The following TGM6 variants were observed in gnomAD, a reference collection of about 807,000 sequenced individuals.
The protein encoded by TGM6 is transglutaminase 6.
TGM6 carries 74 observed loss-of-function variants against 77.5 expected under a neutral mutation model. The ratio of observed to expected loss-of-function variants is 0.96; its 90% CI spans 0.79 to 1.16. The LOEUF is 1.16. Among genes scored for constraint, TGM6 ranks in the 50% most tolerant of loss-of-function variants. The pLI, the probability that TGM6 is intolerant of heterozygous loss-of-function variation, is 0.00. For synonymous variants in TGM6, 383 were observed against 378.9 expected (o/e 1.01, Z -0.12); for missense variants, 968 against 940.2 (o/e 1.03, Z -0.39).
At chr20:2,409,523 C>A (rs2084771863) in intron 9 of TGM6, among the ~76,000 whole-genome samples, 1 of 151,964 alleles carries the variant, frequency 6.6e-6, no homozygotes, top group South Asian at 2.1e-4. Flanking sequence ...ACCAGCCTGG[C>A]CAACATTGGG....
At chr20:2,391,218 TC>T (rs1225402413) in intron 1 of TGM6, among the ~76,000 whole-genome samples, 8 of 151,656 alleles carry the variant, frequency 5.3e-5, no homozygotes, top group Middle Eastern at 3.2e-3. Flanking sequence ...CCATAGTACC[TC>T]CCTTAGGTGT....
At chr20:2,429,915 C>T (rs957191428) in intron 10 of TGM6, among the ~76,000 whole-genome samples, 3 of 152,160 alleles carry the variant, frequency 2.0e-5, no homozygotes, top group African/African-American at 7.2e-5. Flanking sequence ...GAGGAGGTGT[C>T]AGTGAAGACT....
At chr20:2,389,154 T>C (rs1039099619) in intron 1 of TGM6, among the ~76,000 whole-genome samples, 1 of 152,052 alleles carries the variant, frequency 6.6e-6, no homozygotes, top group Non-Finnish European at 1.5e-5. Context: ...TCCACCATGG[T>C]CTCTCAGGTC....
Position 2,417,243 on chromosome 20 carries a change from G to T in TGM6, c.1348G>T (p.Glu450Ter). 1 of 1,602,598 alleles carries T rather than the reference G, an allele frequency of 6.2e-7. No homozygotes were observed. Among genetic ancestry groups the T allele is most frequent in the Non-Finnish European group, 8.5e-7 (1 of 1,175,110 alleles). ...LYKYPEGSRKERQVYSKAVNR... is the reference protein window; with the variant it reads ...LYKYPEGSRK The stretch of plus-strand genomic sequence containing the variant: ...GTGATGCCCTGCAGGGTCCCGGAAA[G>T]AGAGGCAGGTGTACAGCAAGGCGGT... The change falls in exon 10 of 13, where the codon GAG (glutamate) becomes TAG (stop). Residue 450 changes from glutamate (E) to a stop codon, truncating the protein, a stop_gained. Transcript: ENST00000202625. LOFTEE classifies it high-confidence loss of function.
intron 9 of TGM6, among the ~76,000 whole-genome samples, chr20:2,413,223 C>G (rs887892420): frequency 6.6e-6 from 1 of 152,156 alleles, no homozygotes; most frequent in African/African-American, 2.4e-5. Context: ...TTCAGGCCAG[C>G]TGGGCAACAT....
rs2084823871 is a variant in TGM6, at chr20:2,417,345, G to A, written c.1450G>A (p.Asp484Asn). 1 of 1,613,826 alleles carries A rather than the reference G, an allele frequency of 6.2e-7. No individual in the cohort carries two copies. Among genetic ancestry groups the A allele is most frequent in the Non-Finnish European group, 8.5e-7 (1 of 1,180,014 alleles). The change falls in exon 10 of 13, where the codon GAC (aspartate) becomes AAC (asparagine). Residue 484 changes from aspartate to asparagine, a missense_variant. Coordinates refer to ENST00000202625, the MANE Select transcript of TGM6 (RefSeq NM_198994.3). The stretch of plus-strand genomic sequence containing the variant: ...GGCTGGGGGTCGCTGTCTCTGGCGT[G>A]ACGACCTCCTGGAGCCTGCCACCAA... ...RRAGGRCLWR[D>N]DLLEPATKPS...
chr20:2,402,943 C>T (rs1458290181), intron 7 of TGM6, among the ~76,000 whole-genome samples: 1 of 152,198 alleles, frequency 6.6e-6, no homozygotes, highest in Non-Finnish European at 1.5e-5. Context: ...TCCCTTCACT[C>T]TTCCTATAGC....
intron 9 of TGM6, among the ~76,000 whole-genome samples, chr20:2,408,950 G>C (rs1029689255): frequency 6.6e-6 from 1 of 151,924 alleles, no homozygotes; most frequent in Non-Finnish European, 1.5e-5. Context: ...GAGAGGAAGC[G>C]AACATTTGTC....
At chr20:2,399,886 G>T in intron 6 of TGM6, 148 bp downstream of exon 6, 2 of 765,992 alleles carry the variant, frequency 2.6e-6, no homozygotes, top group East Asian at 5.4e-5. Context: ...GAAGAGAGAA[G>T]CCAGAGAATT....
At position 2,396,548 on chromosome 20, in the gene TGM6, A is replaced by G; in HGVS notation, c.467A>G (p.Tyr156Cys). 6.2e-7 allele frequency: 1 copy of G among 1,614,240 alleles called. No homozygotes were observed. The highest frequency in any genetic ancestry group is 8.5e-7 in the Non-Finnish European group (1 of 1,180,040). ...GCCTCAGAGGAGGAGAGACAGGAGT[A>G]CGTGCTCAGCGACAGCGGCATCATC... ...FLASEEERQE[Y>C]VLSDSGIIFR... Residue 156 changes from tyrosine (Y) to cysteine (C), a missense_variant, in exon 4 of 13, where the codon TAC becomes TGC. By Grantham distance (194) the Tyr-to-Cys change is radical. Coordinates refer to ENST00000202625, the MANE Select transcript of TGM6 (RefSeq NM_198994.3).
chr20:2,417,392 C>G lies in TGM6; in HGVS notation c.1497C>G (p.Phe499Leu), dbSNP rs763447123. The part of the protein sequence containing the change: ...PATKPSIAGK[F>L]KVLEPPMLGH... Reference sequence around the variant, plus strand: ...CCAAGCCCAGCATCGCTGGCAAGTTCAAGGTGCTAGAGCCTCCCATGCTGG... The same window carrying G: ...CCAAGCCCAGCATCGCTGGCAAGTTGAAGGTGCTAGAGCCTCCCATGCTGG... The change falls in exon 10 of 13, where the codon TTC (phenylalanine) becomes TTG (leucine). Residue 499 changes from phenylalanine (F) to leucine (L), a missense_variant. Coordinates refer to ENST00000202625, the MANE Select transcript of TGM6 (RefSeq NM_198994.3). 1.2e-6 allele frequency: 2 copies of G among 1,613,732 alleles called. No homozygotes were observed. Among genetic ancestry groups the G allele is most frequent in the South Asian group, 2.2e-5 (2 of 91,078 alleles).
rs1488260975 is a variant in TGM6, at chr20:2,403,643, C to T, written c.1156C>T (p.His386Tyr). Residue 386 changes from histidine (H) to tyrosine (Y), a missense_variant, in exon 9 of 13, where the codon CAC becomes TAC. Coordinates refer to ENST00000202625, the MANE Select transcript of TGM6 (RefSeq NM_198994.3). ...CCGCGAGGGTGATGTGCACCTGGCT[C>T]ACGATGGCCCCTTCGTGTTTGCGGA... is the stretch of plus-strand genomic sequence containing the variant. ...AIREGDVHLA[H>Y]DGPFVFAEVN... The T allele has an allele frequency of 1.2e-6, 2 of 1,614,212 alleles. No homozygotes were observed. The highest frequency in any genetic ancestry group is 8.5e-7 in the Non-Finnish European group (1 of 1,180,040).
intron 10 of TGM6, among the ~76,000 whole-genome samples, chr20:2,421,519 A>C (rs75111597): frequency 0.025 from 3,837 of 152,310 alleles, 63 homozygotes; most frequent in African/African-American, 0.049. Flanking sequence ...AGAGTTTACT[A>C]TTCACTAATG....
intron 10 of TGM6, among the ~76,000 whole-genome samples, chr20:2,429,541 C>T (rs1722385874): frequency 1.3e-5 from 2 of 151,508 alleles, no homozygotes; most frequent in South Asian, 2.1e-4. Context: ...GAGGCCAAGG[C>T]GAGAGGATCA....
At chr20:2,424,349 C>T (rs1266721467) in intron 10 of TGM6, among the ~76,000 whole-genome samples, 2 of 152,236 alleles carry the variant, frequency 1.3e-5, no homozygotes, top group Admixed American at 6.5e-5. Context: ...GCATAACTTG[C>T]TGTTGCTTCT....
intron 1 of TGM6, among the ~76,000 whole-genome samples, chr20:2,382,402 A>T (rs950315958): frequency 3.3e-5 from 5 of 152,206 alleles, no homozygotes; most frequent in Admixed American, 2.6e-4. Context: ...AAGTTCACCT[A>T]GATGATCCCT....
At chr20:2,383,809 A>C (rs1350992158) in intron 1 of TGM6, among the ~76,000 whole-genome samples, 1 of 152,116 alleles carries the variant, frequency 6.6e-6, no homozygotes, top group Non-Finnish European at 1.5e-5. Context: ...GTGATGATGT[A>C]AAAATCCCTG....
Position 2,417,484 on chromosome 20 carries a change from A to C in TGM6, c.1589A>C (p.Asn530Thr), listed in dbSNP as rs1487699137. The change falls in exon 10 of 13, where the codon AAC becomes ACC. Residue 530 changes from asparagine to threonine, a missense_variant. By Grantham distance (65) the Asn-to-Thr change is moderately conservative (BLOSUM62 0). Coordinates refer to ENST00000202625, the MANE Select transcript of TGM6 (RefSeq NM_198994.3). ...TCCCGGGCCCAGCGGGTGAGGGTCAACCTGAGCGGTGCCACCATCCTCTAT... is the reference window on the plus strand; with the variant it reads ...TCCCGGGCCCAGCGGGTGAGGGTCACCCTGAGCGGTGCCACCATCCTCTAT... ...LTSRAQRVRV[N>T]LSGATILYTR... 6.2e-7 allele frequency: 1 copy of C among 1,609,328 alleles called. No individual in the cohort carries two copies.
intron 1 of TGM6, among the ~76,000 whole-genome samples, chr20:2,383,706 C>T (rs1374719855): frequency 7.2e-5 from 11 of 151,942 alleles, no homozygotes; most frequent in African/African-American, 1.9e-4. Context: ...GTCGCTTAAG[C>T]GAGAAGCAAA....
Sources: gnomAD v4.1 joint callset for allele counts (sites outside exome capture counted in the v4.1 genomes callset) on GRCh38, gnomAD v4.1.1 for gene constraint, MANE v1.5 for transcripts, NCBI Gene and HGNC (gene_info 2026-07-23, HGNC 2026-07-21) for gene names.